RTL4: variants seen among roughly 807,000 people sequenced by gnomAD.
The protein encoded by RTL4 is retrotransposon Gag-like protein 4.
Under a neutral mutation model 5.3 loss-of-function variants are expected in RTL4, and 4 were observed. That is an observed-to-expected ratio of 0.75 (90% CI 0.37 to 1.72). The LOEUF (loss-of-function observed/expected upper bound fraction) is 1.72. Ranked by LOEUF, RTL4 falls within the 40% of genes most tolerant of loss-of-function variation. The probability of loss-of-function intolerance (pLI) is 0.04; values close to 1 mark genes in which losing one functional copy is unlikely to be tolerated. For missense variants in RTL4, 260 were observed against 227.1 expected (o/e 1.14, Z -0.93); for synonymous variants, 98 against 87.3 (o/e 1.12, Z -0.68).
At chrX:112,455,299 C>A in exon 1 of RTL4, 1 of 1,211,418 alleles carries the variant, frequency 8.3e-7, no homozygotes, top group Non-Finnish European at 1.1e-6. Flanking sequence ...ACTAGCTGAT[C>A]CCAACCAGGA....
At chrX:112,284,606 T>C in the RTL4 span, among the ~76,000 whole-genome samples, 1 of 111,303 alleles carries the variant, frequency 9.0e-6, no homozygotes, top group East Asian at 2.8e-4. Context: ...CTTTGGTAGT[T>C]GTGTGTGGCC....
At chrX:112,220,405 GC>G in the RTL4 span, among the ~76,000 whole-genome samples, 1 of 112,744 alleles carries the variant, frequency 8.9e-6, no homozygotes, top group East Asian at 2.8e-4. Context: ...ACAGTAGGGG[GC>G]CCTGGGCCCA....
At chrX:112,239,338 G>C in the RTL4 span, among the ~76,000 whole-genome samples, 2 of 110,786 alleles carry the variant, frequency 1.8e-5, no homozygotes. Flanking sequence ...GTATAATAAA[G>C]AGGAACAAGA....
chrX:112,195,136 A>T, the RTL4 span, among the ~76,000 whole-genome samples: 1 of 111,826 alleles, frequency 8.9e-6, no homozygotes, highest in Non-Finnish European at 1.9e-5. Flanking sequence ...GATGGTCCTA[A>T]AGATGAAGCA....
At chrX:112,298,148 T>A in the RTL4 span, among the ~76,000 whole-genome samples, 2 of 111,634 alleles carry the variant, frequency 1.8e-5, no homozygotes, top group Non-Finnish European at 3.8e-5. Context: ...TATCTGGGCA[T>A]GAGTTTCCCC....
chrX:112,437,334 T>C, the RTL4 span, among the ~76,000 whole-genome samples: 1 of 112,009 alleles, frequency 8.9e-6, no homozygotes, highest in African/African-American at 3.2e-5. Context: ...AAGAATAAAT[T>C]TGATTTTTAG....
At chrX:112,283,372 G>T in the RTL4 span, among the ~76,000 whole-genome samples, 1 of 111,650 alleles carries the variant, frequency 9.0e-6, no homozygotes, top group African/African-American at 3.2e-5. Flanking sequence ...TGAGCCAGAA[G>T]TTCTCTCCTC....
the RTL4 span, among the ~76,000 whole-genome samples, chrX:112,442,593 G>A: frequency 9.0e-6 from 1 of 110,592 alleles, no homozygotes; most frequent in Non-Finnish European, 1.9e-5. Flanking sequence ...TGTATGTAAA[G>A]TATACCACCA....
At chrX:112,203,777 C>A in the RTL4 span, among the ~76,000 whole-genome samples, 1 of 112,066 alleles carries the variant, frequency 8.9e-6, no homozygotes, top group South Asian at 3.7e-4. Context: ...AGAATAAGCT[C>A]GTCCATGTCT....
At chrX:112,112,611 G>T in the RTL4 span, among the ~76,000 whole-genome samples, 1,418 of 112,022 alleles carry the variant, frequency 0.013, 26 homozygotes, top group East Asian at 0.047. Context: ...TCCTTAATTA[G>T]CTAGAAAGTT....
At chrX:112,093,099 C>G in the RTL4 span, among the ~76,000 whole-genome samples, 2 of 111,328 alleles carry the variant, frequency 1.8e-5, no homozygotes, top group African/African-American at 6.5e-5. Context: ...GCCAGTTCCT[C>G]TCTGTCACTT....
the RTL4 span, among the ~76,000 whole-genome samples, chrX:112,325,272 C>G: frequency 8.9e-6 from 1 of 111,750 alleles, no homozygotes; most frequent in Admixed American, 9.5e-5. Flanking sequence ...CTACCAATGA[C>G]ATTCTTCATA....
the RTL4 span, among the ~76,000 whole-genome samples, chrX:112,132,123 AG>A: frequency 8.9e-6 from 1 of 111,739 alleles, no homozygotes; most frequent in Admixed American, 9.5e-5. Flanking sequence ...CTGAAACAAC[AG>A]GTTAATAGAC....
the RTL4 span, among the ~76,000 whole-genome samples, chrX:112,182,962 A>G: frequency 8.9e-6 from 1 of 112,153 alleles, no homozygotes; most frequent in Non-Finnish European, 1.9e-5. Context: ...CTAACAGCGG[A>G]TCTCTGCAGA....
At chrX:112,270,056 A>C in the RTL4 span, among the ~76,000 whole-genome samples, 1 of 112,299 alleles carries the variant, frequency 8.9e-6, no homozygotes, top group African/African-American at 3.2e-5. Flanking sequence ...CATCCTAAGA[A>C]AGGACTCACT....
chrX:112,357,767 G>A, the RTL4 span, among the ~76,000 whole-genome samples: 1 of 111,834 alleles, frequency 8.9e-6, no homozygotes, highest in Non-Finnish European at 1.9e-5. Context: ...GGCTACTAAT[G>A]TCATGGCTAA....
chrX:112,109,173 G>T, the RTL4 span, among the ~76,000 whole-genome samples: 1 of 111,749 alleles, frequency 8.9e-6, no homozygotes. Flanking sequence ...GTATTTTTGT[G>T]CATAGAAGGC....
At chrX:112,381,494 G>A in the RTL4 span, 1 of 1,199,060 alleles carries the variant, frequency 8.3e-7, no homozygotes, top group African/African-American at 1.8e-5. Context: ...TGTCCAGGCT[G>A]AAAACAGATT....
chrX:112,282,575 C>G, the RTL4 span, among the ~76,000 whole-genome samples: 7 of 111,717 alleles, frequency 6.3e-5, no homozygotes, highest in African/African-American at 2.3e-4. Flanking sequence ...CTGTAGATAA[C>G]TTTGCGTAGT....
Sources: gnomAD v4.1 joint callset for allele counts (sites outside exome capture counted in the v4.1 genomes callset) on GRCh38, gnomAD v4.1.1 for gene constraint, MANE v1.5 for transcripts, NCBI Gene and HGNC (gene_info 2026-07-23, HGNC 2026-07-21) for gene names.